The following MOK variants were observed in gnomAD, a reference collection of about 807,000 sequenced individuals.
MOK encodes MAPK/MAK/MRK overlapping kinase.
Under a neutral mutation model 54.2 loss-of-function variants are expected in MOK, and 59 were observed. That is an observed-to-expected ratio of 1.09 (90% CI 0.88 to 1.35). The LOEUF (loss-of-function observed/expected upper bound fraction) is 1.35. Among genes scored for constraint, MOK ranks in the 40% most tolerant of loss-of-function variants. The pLI, the probability that MOK is intolerant of heterozygous loss-of-function variation, is 0.00. For missense variants in MOK, 517 were observed against 526.2 expected (o/e 0.98, Z 0.17); for synonymous variants, 210 against 202.7 (o/e 1.04, Z -0.31).
At chr14:102,299,714 T>C (rs1390005693) in intron 1 of MOK, among the ~76,000 whole-genome samples, 8 of 151,908 alleles carry the variant, frequency 5.3e-5, no homozygotes, top group Admixed American at 4.6e-4. Flanking sequence ...GCCTCCCGAG[T>C]ACCTGAGACC....
chr14:102,224,036 G>GTTTTTTTT (rs1184725386), downstream of MOK, among the ~76,000 whole-genome samples: 1 of 139,440 alleles, frequency 7.2e-6, no homozygotes, highest in Non-Finnish European at 1.6e-5. Flanking sequence ...GTTTACCTGA[G>GTTTTTTTT]ATTTTTTTTT....
intron 4 of MOK, among the ~76,000 whole-genome samples, chr14:102,252,964 A>C (rs1016838323): frequency 2.0e-5 from 3 of 152,200 alleles, no homozygotes; most frequent in Non-Finnish European, 2.9e-5. Context: ...AATTTAACAA[A>C]ATCTATAAAC....
At position 102,231,804 on chromosome 14, in the gene MOK, G is replaced by A; in HGVS notation, c.884C>T (p.Ala295Val). 6 of 1,611,782 alleles carry A rather than the reference G, an allele frequency of 3.7e-6. No individual in the cohort carries two copies. Among genetic ancestry groups the A allele is most frequent in the Non-Finnish European group, 2.5e-6 (3 of 1,178,648 alleles). Residue 295 changes from alanine (A) to valine (V), a missense_variant, in exon 10 of 12, where the codon GCT (alanine) becomes GTT (valine). Transcript: ENST00000361847. This position sits in a 1 kb window ranked among gnomAD's most constrained non-coding sequence, Gnocchi z 4.4. ...FQEQRKTEKR[A>V]LGSHRKAGFP... ...GCCAGCTTTTCTGTGGCTGCCCAGAGCCCGCTTCTCTGTTTTCCTACGGGG... is the reference window on the plus strand; with the variant it reads ...GCCAGCTTTTCTGTGGCTGCCCAGAACCCGCTTCTCTGTTTTCCTACGGGG...
chr14:102,245,691 C>T lies in MOK; in HGVS notation c.590+5121G>A, dbSNP rs977280894. 1.3e-5 allele frequency among the ~76,000 whole-genome samples: 2 copies of T among 152,180 alleles called. No homozygotes were observed. The highest frequency in any genetic ancestry group is 2.9e-5 in the Non-Finnish European group (2 of 68,038). ...GATTCTCTTTTCGGACTCAGCCCGC[C>T]TGCACCCAGGTGAAATAAATAGCCT... On this transcript the variant is annotated intron_variant, in intron 7 of 11. Transcript: ENST00000361847. The surrounding 1 kb of genome is among the most constrained non-coding windows in gnomAD (Gnocchi z 4.3).
chr14:102,304,678 G>T (rs2072581799), intron 1 of MOK, among the ~76,000 whole-genome samples: 1 of 152,188 alleles, frequency 6.6e-6, no homozygotes, highest in South Asian at 2.1e-4. Flanking sequence ...TAAGAACCAC[G>T]CACCTGCACC....
intron 1 of MOK, among the ~76,000 whole-genome samples, chr14:102,290,091 C>T (rs1443755497): frequency 6.7e-6 from 1 of 149,128 alleles, no homozygotes; most frequent in Non-Finnish European, 1.5e-5. Flanking sequence ...TTGAGTATTA[C>T]TTGGTCCTGG....
chr14:102,299,251 C>T (rs1015482408), intron 1 of MOK, among the ~76,000 whole-genome samples: 8 of 152,154 alleles, frequency 5.3e-5, no homozygotes, highest in African/African-American at 1.7e-4. Flanking sequence ...CAGTGGCTCA[C>T]GCCTGTAATC....
At chr14:102,215,998 T>G in the MOK span, among the ~76,000 whole-genome samples, 8 of 152,090 alleles carry the variant, frequency 5.3e-5, no homozygotes, top group African/African-American at 1.9e-4. Flanking sequence ...CCCATTTAAT[T>G]GTCACTTCCC....
intron 2 of MOK, among the ~76,000 whole-genome samples, chr14:102,273,221 G>A (rs1339027459): frequency 6.7e-6 from 1 of 149,966 alleles, no homozygotes; most frequent in Admixed American, 6.7e-5. Context: ...GTCTCTATTT[G>A]CAGGTGACAT....
downstream of MOK, among the ~76,000 whole-genome samples, chr14:102,226,695 G>C (rs1462307687): frequency 6.6e-6 from 1 of 152,220 alleles, no homozygotes; most frequent in Admixed American, 6.5e-5. This position sits in a 1 kb window ranked among gnomAD's most constrained non-coding sequence, Gnocchi z 4.8. Flanking sequence ...GCCAAGTGCA[G>C]GGCGGGAAGT....
intron 1 of MOK, among the ~76,000 whole-genome samples, chr14:102,294,169 G>C (rs181012595): frequency 6.6e-6 from 1 of 150,826 alleles, no homozygotes; most frequent in East Asian, 1.9e-4. Flanking sequence ...AGGTGAGGCC[G>C]GGTGCGGTGG....
rs145834415 is a variant in MOK, at chr14:102,251,965, A to G, written c.314T>C (p.Ile105Thr). ...ACATAACTGGTACATATAGTGCATA[A>G]TTTTTTTTTCTGATAATGGGTATCT... ...GRRYPLSEKK[I>T]MHYMYQLCKS... The change falls in exon 5 of 12, where the codon ATT (isoleucine) becomes ACT (threonine). Residue 105 changes from isoleucine (I) to threonine (T), a missense_variant. Ile to Thr is a moderately conservative substitution (Grantham distance 89). Transcript: ENST00000361847. The G allele has an allele frequency of 5.6e-5, 90 of 1,599,402 alleles. No homozygotes were observed. In the African/African-American group the frequency reaches 1.2e-3, roughly 21 times the overall value.
intron 4 of MOK, among the ~76,000 whole-genome samples, chr14:102,257,784 C>T (rs1380150367): frequency 1.3e-5 from 2 of 152,134 alleles, no homozygotes; most frequent in African/African-American, 2.4e-5. Flanking sequence ...CGAGACCATC[C>T]TGGCCAACAT....
chr14:102,241,684 C>G (rs535645995), intron 7 of MOK, among the ~76,000 whole-genome samples: 1 of 152,104 alleles, frequency 6.6e-6, no homozygotes, highest in Admixed American at 6.5e-5. Context: ...AATTAGATTC[C>G]GGCCCTCAAA....
At chr14:102,222,936 C>G (rs113637000), downstream of MOK, 1 of 1,607,026 alleles carries the variant, frequency 6.2e-7, no homozygotes, top group South Asian at 1.1e-5. This position sits in a 1 kb window ranked among gnomAD's most constrained non-coding sequence, Gnocchi z 4.4. Context: ...GAGGGAGTGA[C>G]GAGGAGGAGC....
At chr14:102,229,910 AG>A (rs2064515051) in intron 10 of MOK, 1 of 477,122 alleles carries the variant, frequency 2.1e-6, no homozygotes. Context: ...CGGGCGGCAA[AG>A]GGCTCGCGGG....
chr14:102,217,277 G>A, the MOK span, among the ~76,000 whole-genome samples: 3 of 152,210 alleles, frequency 2.0e-5, no homozygotes, highest in Non-Finnish European at 4.4e-5. Flanking sequence ...TCAGTGAACG[G>A]GATCACGATG....
At chr14:102,264,556 C>G (rs2067742475) in intron 3 of MOK, 1 of 152,166 alleles carries the variant, frequency 6.6e-6, no homozygotes, top group Admixed American at 6.5e-5. Flanking sequence ...CTCGGTTGTT[C>G]CGAGGTCCAT....
chr14:102,274,801 C>G (rs769747657), intron 2 of MOK, among the ~76,000 whole-genome samples: 1 of 151,512 alleles, frequency 6.6e-6, no homozygotes, highest in African/African-American at 2.4e-5. Context: ...ATGGTGAAAC[C>G]CTGTCTCAAC....
Sources: gnomAD v4.1 joint callset for allele counts (sites outside exome capture counted in the v4.1 genomes callset) on GRCh38, gnomAD v4.1.1 for gene constraint, Gnocchi (gnomAD v3.1) non-coding constraint, MANE v1.5 for transcripts, NCBI Gene and HGNC (gene_info 2026-07-23, HGNC 2026-07-21) for gene names.